EHBP1: variants seen among roughly 807,000 people sequenced by gnomAD.
The protein encoded by EHBP1 is EH domain binding protein 1.
In EHBP1, 55 loss-of-function variants were observed where a neutral mutation model predicts 144.0. That is an observed-to-expected ratio of 0.38 (90% confidence interval 0.31 to 0.48). The LOEUF (loss-of-function observed/expected upper bound fraction) is 0.48. Ranked by LOEUF, EHBP1 falls within the 20% of genes least tolerant of loss-of-function variation. The pLI, the probability that EHBP1 is intolerant of heterozygous loss-of-function variation, is 0.98. For synonymous variants in EHBP1, 469 were observed against 472.7 expected (o/e 0.99, Z 0.10); for missense variants, 1,200 against 1,364.2 (o/e 0.88, Z 1.90).
chr2:62,965,396 C>T lies in EHBP1; in HGVS notation c.2460+9736C>T, dbSNP rs535890159. 1.1e-4 allele frequency among the ~76,000 whole-genome samples: 17 copies of T among 152,222 alleles called. No individual in the cohort carries two copies. In the East Asian group the frequency reaches 2.5e-3, roughly 22 times the overall value. On this transcript the variant is annotated intron_variant, in intron 14 of 22. Transcript: ENST00000431489. The stretch of plus-strand genomic sequence containing the variant: ...TATTCTGCCTGTGAGATATTAATGA[C>T]GTAGAGTTTTGATACTGTATAAGAA...
intron 1 of EHBP1, among the ~76,000 whole-genome samples, chr2:62,692,837 G>A (rs897982285): frequency 6.6e-6 from 1 of 151,752 alleles, no homozygotes; most frequent in Non-Finnish European, 1.5e-5. Context: ...TCACATCAGG[G>A]TACAAGCATT....
At chr2:62,899,353 T>C (rs1204864656) in intron 10 of EHBP1, among the ~76,000 whole-genome samples, 1 of 152,194 alleles carries the variant, frequency 6.6e-6, no homozygotes, top group Non-Finnish European at 1.5e-5. Flanking sequence ...TGTCTCAAGG[T>C]ACAAGACATA....
At chr2:62,941,322 A>G (rs2056745165) in intron 10 of EHBP1, among the ~76,000 whole-genome samples, 1 of 152,104 alleles carries the variant, frequency 6.6e-6, no homozygotes, top group East Asian at 1.9e-4. Flanking sequence ...TCTAAAGTAA[A>G]TGTAGTATAT....
chr2:62,803,234 CAAA>C (rs35240136), intron 5 of EHBP1, among the ~76,000 whole-genome samples: 3 of 121,632 alleles, frequency 2.5e-5, no homozygotes, highest in Admixed American at 8.6e-5. Context: ...GACCCTGTCT[CAAA>C]AAAAAAAAAA....
At chr2:62,868,469 C>T (rs565317291) in intron 9 of EHBP1, among the ~76,000 whole-genome samples, 7 of 152,196 alleles carry the variant, frequency 4.6e-5, no homozygotes, top group African/African-American at 1.7e-4. Flanking sequence ...TAGAATGCAA[C>T]AAAACACAAA....
At chr2:62,834,355 T>TTTG (rs1360130003) in intron 7 of EHBP1, among the ~76,000 whole-genome samples, 1 of 152,210 alleles carries the variant, frequency 6.6e-6, no homozygotes, top group Non-Finnish European at 1.5e-5. Context: ...TGCAGCAAAC[T>TTTG]TTGTTGTTGT....
chr2:62,781,417 G>A (rs2042418249), intron 5 of EHBP1, among the ~76,000 whole-genome samples: 1 of 152,064 alleles, frequency 6.6e-6, no homozygotes, highest in Non-Finnish European at 1.5e-5. Flanking sequence ...ATTCCACTTA[G>A]TGTAAATGTT....
intron 1 of EHBP1, among the ~76,000 whole-genome samples, chr2:62,693,284 C>T (rs2033971170): frequency 6.6e-6 from 1 of 152,070 alleles, no homozygotes; most frequent in Non-Finnish European, 1.5e-5. Context: ...TAGGTTGCTT[C>T]CAAATCTTGG....
At chr2:62,829,632 A>G (rs571568017) in intron 6 of EHBP1, among the ~76,000 whole-genome samples, 1 of 147,038 alleles carries the variant, frequency 6.8e-6, no homozygotes, top group South Asian at 2.1e-4. Flanking sequence ...TATATATAAT[A>G]CATAATACTA....
At chr2:62,856,859 G>A (rs1005813531) in intron 7 of EHBP1, among the ~76,000 whole-genome samples, 3 of 152,208 alleles carry the variant, frequency 2.0e-5, no homozygotes, top group Non-Finnish European at 4.4e-5. Context: ...AGCTGACCGT[G>A]ACATAGTGGA....
intron 4 of EHBP1, among the ~76,000 whole-genome samples, chr2:62,768,878 G>A (rs1329428401): frequency 2.6e-5 from 4 of 152,294 alleles, no homozygotes; most frequent in African/African-American, 9.6e-5. Context: ...GTCAATAAAT[G>A]TGATTCATTA....
At chr2:62,896,997 A>C (rs1345858630) in intron 10 of EHBP1, among the ~76,000 whole-genome samples, 1 of 152,234 alleles carries the variant, frequency 6.6e-6, no homozygotes, top group Non-Finnish European at 1.5e-5. Context: ...ATATGGTTCA[A>C]AAATCAAAAT....
chr2:62,949,007 A>G lies in EHBP1; in HGVS notation c.2161A>G (p.Thr721Ala), dbSNP rs1293423061. ...RSDPESPIKK[T>A]SLSPTSKLGY... Reference sequence around the variant, plus strand: ...AGATCCAGAATCTCCTATCAAAAAAACAAGTTTATCTCCTACTTCTAAACT... The same window carrying G: ...AGATCCAGAATCTCCTATCAAAAAAGCAAGTTTATCTCCTACTTCTAAACT... The change falls in exon 13 of 23, where the codon ACA becomes GCA. Residue 721 changes from threonine to alanine, a missense_variant. Thr to Ala is a moderately conservative substitution (Grantham distance 58). Transcript: ENST00000431489. 6.2e-7 allele frequency: 1 copy of G among 1,613,878 alleles called. No homozygotes were observed. The highest frequency in any genetic ancestry group is 1.1e-5 in the South Asian group (1 of 91,040).
chr2:62,735,465 T>C (rs2038035037), intron 2 of EHBP1, among the ~76,000 whole-genome samples: 1 of 152,184 alleles, frequency 6.6e-6, no homozygotes, highest in African/African-American at 2.4e-5. Flanking sequence ...TATATAAGCA[T>C]ATATGTATAT....
intron 15 of EHBP1, among the ~76,000 whole-genome samples, chr2:62,980,626 T>G (rs548945850): frequency 6.6e-6 from 1 of 152,198 alleles, no homozygotes; most frequent in East Asian, 1.9e-4. Context: ...TTTGAAAGCT[T>G]CTTCCCCACA....
intron 5 of EHBP1, among the ~76,000 whole-genome samples, chr2:62,811,035 C>T (rs2044960164): frequency 6.6e-6 from 1 of 152,074 alleles, no homozygotes. Flanking sequence ...TCTGTAGTTT[C>T]CTTCTAAGAA....
intron 5 of EHBP1, among the ~76,000 whole-genome samples, chr2:62,814,270 G>T (rs975773003): frequency 6.6e-6 from 1 of 152,228 alleles, no homozygotes; most frequent in Non-Finnish European, 1.5e-5. Flanking sequence ...ATAAAAGCAA[G>T]TTTGGTCCCT....
At chr2:62,979,151 T>A in intron 14 of EHBP1, 37 bp from the exon 15 acceptor site, 1 of 1,574,460 alleles carries the variant, frequency 6.4e-7, no homozygotes. Context: ...TGCATTTCTG[T>A]CAATTACTGA....
intron 14 of EHBP1, among the ~76,000 whole-genome samples, chr2:62,967,523 T>G (rs144731524): frequency 2.6e-5 from 4 of 152,328 alleles, no homozygotes; most frequent in Admixed American, 2.6e-4. Context: ...GCCAACAGTT[T>G]GCAGGACATT....
Sources: gnomAD v4.1 joint callset for allele counts (sites outside exome capture counted in the v4.1 genomes callset) on GRCh38, gnomAD v4.1.1 for gene constraint, MANE v1.5 for transcripts, NCBI Gene and HGNC (gene_info 2026-07-23, HGNC 2026-07-21) for gene names.